Variants in HUWE1 observed in about 807,000 individuals in gnomAD.
HUWE1 encodes E3 ubiquitin-protein ligase HUWE1.
A neutral mutation model predicts 299.4 loss-of-function variants in HUWE1; 18 were observed. The ratio of observed to expected loss-of-function variants is 0.06; its 90% CI spans 0.04 to 0.09. The LOEUF is 0.09. Ranked by LOEUF, HUWE1 falls within the 10% of genes least tolerant of loss-of-function variation. The pLI is 1.00. For synonymous variants in HUWE1, 1,317 were observed against 1,286.1 expected, an observed-to-expected ratio of 1.02 and a Z score of -0.51; for missense variants, 1,832 against 3,462.3, an observed-to-expected ratio of 0.53 and a Z score of 11.82.
intron 20 of HUWE1, 36 bp from the exon 21 acceptor site, chrX:53,617,183 A>G (rs1328734480): frequency 8.6e-7 from 1 of 1,162,943 alleles, no homozygotes; most frequent in Non-Finnish European, 1.2e-6. Flanking sequence ...AATGCATCTA[A>G]AAGAGTGTAG....
At chrX:53,658,500 G>A (rs1032053676) in intron 3 of HUWE1, among the ~76,000 whole-genome samples, 7 of 111,405 alleles carry the variant, frequency 6.3e-5, no homozygotes, top group East Asian at 2.8e-4. Flanking sequence ...GTACTGTACC[G>A]GTAAAAGAAT....
intron 69 of HUWE1, 35 bp from the exon 70 acceptor site, chrX:53,546,627 C>G (rs1556923121): frequency 8.3e-7 from 1 of 1,209,167 alleles, no homozygotes; most frequent in Admixed American, 2.2e-5. Context: ...TAAGCCCCAG[C>G]CTGAGAACAA....
At chrX:53,548,379 T>C (rs2061633041) in intron 67 of HUWE1, 106 bp from the exon 68 acceptor site, 2 of 928,071 alleles carry the variant, frequency 2.2e-6, no homozygotes, top group Admixed American at 5.2e-5. Context: ...CAGACAATTT[T>C]GGTAAATATT....
chrX:53,575,223 TGAA>T lies in HUWE1; in HGVS notation c.6031-5_6031-3del, dbSNP rs782420395. 4.5e-5 allele frequency: 54 copies of T among 1,192,569 alleles called. No homozygotes were observed. The highest frequency in any genetic ancestry group is 5.7e-5 in the Non-Finnish European group (50 of 880,493). ...ACCATCTGCAGCAAAGACCTGACTC[TGAA>T]GAAGAAGAAAACTCCTGAGCTATTA... On this transcript the variant is annotated splice_polypyrimidine_tract_variant and splice_region_variant and intron_variant, in intron 45 of 83. Coordinates refer to ENST00000262854, the MANE Select transcript of HUWE1 (RefSeq NM_031407.7).
chrX:53,676,299 T>C, intron 3 of HUWE1, among the ~76,000 whole-genome samples: 1 of 111,075 alleles, frequency 9.0e-6, no homozygotes, highest in Non-Finnish European at 1.9e-5. Context: ...CCCCACATCA[T>C]AACTGATATA....
chrX:53,647,353 T>C lies in HUWE1; in HGVS notation c.351+15A>G, dbSNP rs1345980700. On this transcript the variant is annotated intron_variant, in intron 6 of 83. Transcript: ENST00000262854. The stretch of plus-strand genomic sequence containing the variant: ...CTAGTCAAGAACAGGGTACACAGGC[T>C]TTAACCTCCCCTACCTCTATGGAAC... 8.6e-6 allele frequency: 10 copies of C among 1,166,924 alleles called. No homozygotes were observed. The African/African-American group carries it at 1.8e-4, about 21-fold the overall frequency.
chrX:53,545,014 G>T lies in HUWE1; in HGVS notation c.11048+15C>A. On this transcript the variant is annotated intron_variant, in intron 71 of 83. Transcript: ENST00000262854. The stretch of plus-strand genomic sequence containing the variant: ...CCAGATTCAAGCCCCCAGCCAAAGG[G>T]TGGCTACCACCCACCTGCTCTGCAT... The T allele has an allele frequency of 8.3e-7, 1 of 1,209,492 alleles. No individual in the cohort carries two copies. Among genetic ancestry groups the T allele is most frequent in the Non-Finnish European group, 1.1e-6 (1 of 893,599 alleles).
At chrX:53,548,297 C>T in intron 67 of HUWE1, 24 bp from the exon 68 acceptor site, 1 of 1,203,779 alleles carries the variant, frequency 8.3e-7, no homozygotes. Flanking sequence ...GAGGACAAGG[C>T]TTGGTCTAGG....
chrX:53,643,333 G>A (rs915438317), intron 7 of HUWE1, among the ~76,000 whole-genome samples: 1 of 110,874 alleles, frequency 9.0e-6, no homozygotes, highest in Non-Finnish European at 1.9e-5. Context: ...ACTGTGAATG[G>A]GGTCTTTTCA....
chrX:53,560,018 C>T (rs963108143), intron 56 of HUWE1, among the ~76,000 whole-genome samples, 170 bp downstream of exon 56: 4 of 111,888 alleles, frequency 3.6e-5, no homozygotes, highest in Admixed American at 1.9e-4. Context: ...GGCTGCACTC[C>T]CCAAAAGGCT....
intron 55 of HUWE1, 103 bp downstream of exon 55, chrX:53,561,653 A>T: frequency 8.9e-7 from 1 of 1,126,464 alleles, no homozygotes; most frequent in Non-Finnish European, 1.2e-6. Flanking sequence ...ATAGGAAAAG[A>T]AGTGCTGTCT....
intron 80 of HUWE1, 24 bp downstream of exon 80, chrX:53,536,123 T>C (rs1341662725): frequency 4.9e-6 from 5 of 1,012,120 alleles, no homozygotes; most frequent in Non-Finnish European, 7.0e-6. Flanking sequence ...TGGGATGTGC[T>C]GTGATTAGGA....
chrX:53,612,921 A>G (rs781988017), intron 23 of HUWE1, among the ~76,000 whole-genome samples: 1 of 111,621 alleles, frequency 9.0e-6, no homozygotes, highest in Non-Finnish European at 1.9e-5. Context: ...GATGTAAGGC[A>G]TCTGGAAAAT....
At chrX:53,544,320 C>G (rs1172883808) in intron 72 of HUWE1, among the ~76,000 whole-genome samples, 1 of 111,680 alleles carries the variant, frequency 9.0e-6, no homozygotes, top group Non-Finnish European at 1.9e-5. Context: ...AAGGCTGGCC[C>G]CCAACTTCCC....
intron 19 of HUWE1, 51 bp from the exon 20 acceptor site, chrX:53,617,497 T>G (rs1557008600): frequency 1.3e-6 from 1 of 777,224 alleles, no homozygotes; most frequent in Non-Finnish European, 1.9e-6. Context: ...TCACAGAAAC[T>G]GAAAACAAAA....
In HUWE1 at chrX:53,649,755, A is replaced by C. The variant is rs181084472; in HGVS notation, c.46-1445T>G. Among the ~76,000 whole-genome samples the C allele has an allele frequency of 2.5e-3, 279 of 112,185 alleles. 1 individual carries two copies. Among genetic ancestry groups the C allele is most frequent in the African/African-American group, 8.6e-3 (267 of 30,925 alleles). ...CTGGACCTACTTGGGTCCAGCATCAAACGTGTTACTTCTATTTCTAATGGA... is the reference window on the plus strand; with the variant it reads ...CTGGACCTACTTGGGTCCAGCATCACACGTGTTACTTCTATTTCTAATGGA... On this transcript the variant is annotated intron_variant, in intron 4 of 83. Coordinates refer to ENST00000262854, the MANE Select transcript of HUWE1 (RefSeq NM_031407.7).
intron 3 of HUWE1, among the ~76,000 whole-genome samples, chrX:53,673,137 A>G (rs1444527095): frequency 2.7e-5 from 3 of 111,680 alleles, no homozygotes; most frequent in Non-Finnish European, 5.6e-5. Flanking sequence ...TTATTTAATA[A>G]TAGGTTTTTG....
chrX:53,538,685 G>C (rs2061177780), intron 76 of HUWE1, 150 bp downstream of exon 76: 1 of 593,247 alleles, frequency 1.7e-6, no homozygotes. Context: ...TACGTGCACG[G>C]GTGTGTGTAT....
intron 31 of HUWE1, 58 bp from the exon 32 acceptor site, chrX:53,593,659 G>A (rs994466322): frequency 2.2e-6 from 2 of 923,351 alleles, no homozygotes. Context: ...GGCAAGGGGG[G>A]TTTACATCTA....
Sources: allele counts gnomAD v4.1 joint callset (sites outside exome capture counted in the v4.1 genomes callset), GRCh38; gene constraint gnomAD v4.1.1; transcripts MANE v1.5; gene names NCBI Gene and HGNC (gene_info 2026-07-23, HGNC 2026-07-21).